Variants in ZSWIM6 observed in about 807,000 individuals in gnomAD.
ZSWIM6 encodes zinc finger SWIM-type containing 6, also known as zinc finger SWIM domain-containing protein 6.
In ZSWIM6, 9 loss-of-function variants were observed where a neutral mutation model predicts 113.2. The observed-to-expected ratio is 0.08, with a 90% confidence interval of 0.05 to 0.14. The LOEUF is 0.14. Ranked by LOEUF, ZSWIM6 falls within the 10% of genes least tolerant of loss-of-function variation. The probability of loss-of-function intolerance (pLI) is 1.00; values close to 1 mark genes in which losing one functional copy is unlikely to be tolerated. For synonymous variants in ZSWIM6, 611 were observed against 606.5 expected (o/e 1.01, Z -0.11); for missense variants, 1,162 against 1,552.2 (o/e 0.75, Z 4.22).
chr5:61,439,172 T>C (rs1008278720), intron 1 of ZSWIM6, among the ~76,000 whole-genome samples: 2 of 152,196 alleles, frequency 1.3e-5, no homozygotes, highest in Admixed American at 6.5e-5. Context: ...AACCTTTGGC[T>C]ATATATAGGA....
chr5:61,485,304 A>T (rs1747987434), intron 2 of ZSWIM6, among the ~76,000 whole-genome samples: 1 of 152,122 alleles, frequency 6.6e-6, no homozygotes, highest in South Asian at 2.1e-4. Context: ...TTGCTCATTT[A>T]CTTATGCAGC....
At chr5:61,509,479 T>C (rs936037105) in intron 4 of ZSWIM6, among the ~76,000 whole-genome samples, 7 of 152,058 alleles carry the variant, frequency 4.6e-5, no homozygotes. Context: ...AGTAACCCTG[T>C]TGGGTTGGGG....
In ZSWIM6 at chr5:61,544,428, A is replaced by G. The variant is rs1749831215; in HGVS notation, c.*111A>G. 2.9e-6 allele frequency: 2 copies of G among 680,280 alleles called. No homozygotes were observed. The highest frequency in any genetic ancestry group is 2.5e-6 in the Non-Finnish European group (1 of 405,714). 42.1% of individuals were successfully genotyped at this position (680,280 alleles called of 1,614,324 possible). ...TAAAGAACAGAGCCACACCGGTATT[A>G]TATGTGTATAGTTATATTGCGTTTG... On this transcript the variant is annotated 3_prime_UTR_variant, in exon 14 of 14. Coordinates refer to ENST00000252744, the MANE Select transcript of ZSWIM6 (RefSeq NM_020928.2).
rs1748158202 is a variant in ZSWIM6, at chr5:61,490,830, T to C, written c.1078T>C (p.Cys360Arg). ...AGGTGCTAGTATAGATGATGAAAAC[T>C]GCTGGCACTTAGATGAAGAGCAGGT... ...TAGASIDDEN[C>R]WHLDEEQVQE... Residue 360 changes from cysteine (C) to arginine (R), a missense_variant, in exon 3 of 14, where the codon TGC (cysteine) becomes CGC (arginine). By Grantham distance (180) the Cys-to-Arg change is radical. Around this residue, in one of 4 missense-constraint regions of ZSWIM6, gnomAD observed 96 missense variants for 240.3 expected, o/e 0.40. Transcript: ENST00000252744. 3 of 1,547,550 alleles carry C rather than the reference T, an allele frequency of 1.9e-6. No individual in the cohort carries two copies. The highest frequency in any genetic ancestry group is 2.6e-6 in the Non-Finnish European group (3 of 1,145,094).
At chr5:61,419,954 T>C (rs1746323813) in intron 1 of ZSWIM6, among the ~76,000 whole-genome samples, 1 of 152,264 alleles carries the variant, frequency 6.6e-6, no homozygotes, top group Non-Finnish European at 1.5e-5. Context: ...CTTTGCCCTT[T>C]ACTAGAAACA....
chr5:61,360,309 C>G (rs1035775765), intron 1 of ZSWIM6, among the ~76,000 whole-genome samples: 4 of 152,238 alleles, frequency 2.6e-5, no homozygotes, highest in Admixed American at 2.6e-4. Flanking sequence ...CAACTGGAAG[C>G]AAGTTGACAA....
intron 1 of ZSWIM6, among the ~76,000 whole-genome samples, chr5:61,432,494 C>G (rs1746606599): frequency 6.6e-6 from 1 of 152,192 alleles, no homozygotes; most frequent in Non-Finnish European, 1.5e-5. Context: ...GCACTGGGCA[C>G]CAAACGATTT....
At chr5:61,420,736 A>C (rs889395665) in intron 1 of ZSWIM6, among the ~76,000 whole-genome samples, 19 of 152,212 alleles carry the variant, frequency 1.2e-4, no homozygotes, top group Non-Finnish European at 7.3e-5. Context: ...ATTTTGATAC[A>C]GGCATGGAAC....
chr5:61,429,542 A>G (rs1746535074), intron 1 of ZSWIM6, among the ~76,000 whole-genome samples: 1 of 152,210 alleles, frequency 6.6e-6, no homozygotes, highest in Non-Finnish European at 1.5e-5. Flanking sequence ...TCAGCTATGT[A>G]CATATCAAGT....
intron 1 of ZSWIM6, among the ~76,000 whole-genome samples, chr5:61,358,459 C>T (rs888784158): frequency 2.0e-5 from 3 of 152,172 alleles, no homozygotes; most frequent in Non-Finnish European, 4.4e-5. Context: ...TGATAGGGAA[C>T]TGTGTTCTGA....
At chr5:61,401,137 T>C (rs1208747428) in intron 1 of ZSWIM6, among the ~76,000 whole-genome samples, 2 of 152,188 alleles carry the variant, frequency 1.3e-5, no homozygotes, top group Admixed American at 6.5e-5. Context: ...TGGTCTTTAC[T>C]AATACTGCCA....
At chr5:61,407,072 A>G (rs867197609) in intron 1 of ZSWIM6, among the ~76,000 whole-genome samples, 3 of 152,200 alleles carry the variant, frequency 2.0e-5, no homozygotes, top group South Asian at 4.1e-4. Context: ...AGTTCCCCAA[A>G]TCTGAAATTT....
At chr5:61,352,949 G>A (rs1007989265) in intron 1 of ZSWIM6, among the ~76,000 whole-genome samples, 7 of 152,150 alleles carry the variant, frequency 4.6e-5, no homozygotes, top group African/African-American at 1.7e-4. Flanking sequence ...TGGTCATGGG[G>A]GCAAGGCACT....
intron 1 of ZSWIM6, among the ~76,000 whole-genome samples, chr5:61,370,205 G>A (rs560321160): frequency 8.9e-4 from 135 of 152,220 alleles, no homozygotes; most frequent in African/African-American, 3.0e-3. Context: ...ACTCAGATTT[G>A]TATTCTATTT....
At chr5:61,418,819 A>G (rs992456026) in intron 1 of ZSWIM6, among the ~76,000 whole-genome samples, 6 of 151,934 alleles carry the variant, frequency 3.9e-5, no homozygotes, top group Non-Finnish European at 8.8e-5. Flanking sequence ...GCTCCTGTTT[A>G]TAACTTACTA....
At chr5:61,380,537 A>G (rs1383159739) in intron 1 of ZSWIM6, among the ~76,000 whole-genome samples, 2 of 152,188 alleles carry the variant, frequency 1.3e-5, no homozygotes, top group Non-Finnish European at 2.9e-5. Flanking sequence ...TATTGGGTAT[A>G]TGGTATCAGC....
chr5:61,453,465 T>A (rs994287027), intron 1 of ZSWIM6, among the ~76,000 whole-genome samples: 1 of 151,088 alleles, frequency 6.6e-6, no homozygotes, highest in African/African-American at 2.4e-5. Context: ...AGCCTGGACC[T>A]CCTGGGCTCA....
chr5:61,501,958 G>T (rs1402432204), intron 4 of ZSWIM6, among the ~76,000 whole-genome samples: 2 of 152,124 alleles, frequency 1.3e-5, no homozygotes, highest in African/African-American at 4.8e-5. Flanking sequence ...TTGCCTTCAA[G>T]AAATGTCCAC....
rs141865707 is a variant in ZSWIM6, at chr5:61,391,217, C to T, written c.676+58269C>T. ...CCATTGCCCTTGGTCAACCTGATGA[C>T]GTCGATCATCTTGTCCTGCTCAAAC... is the stretch of plus-strand genomic sequence containing the variant. On this transcript the variant is annotated intron_variant, in intron 1 of 13. Transcript: ENST00000252744. 5.5e-4 allele frequency: 487 copies of T among 889,870 alleles called. 1 individual carries two copies. In the African/African-American group the frequency reaches 6.9e-3, roughly 13 times the overall value. The allele number at this position is 889,870 out of a possible 1,614,324, so 55.1% of individuals were successfully genotyped here. A position where few individuals can be genotyped will look rare whatever the true frequency, so the allele number is the denominator to read the frequency against.
Sources: gnomAD v4.1 joint callset for allele counts (sites outside exome capture counted in the v4.1 genomes callset) on GRCh38, gnomAD v4.1.1 for gene constraint, gnomAD v4.1.1 regional missense constraint, MANE v1.5 for transcripts, NCBI Gene and HGNC (gene_info 2026-07-23, HGNC 2026-07-21) for gene names.